Variants in KIF1A observed in about 807,000 individuals in gnomAD.
The protein encoded by KIF1A is kinesin-like protein KIF1A.
In KIF1A, 46 loss-of-function variants were observed where a neutral mutation model predicts 227.3. The observed-to-expected ratio is 0.20, with a 90% confidence interval of 0.16 to 0.26. The LOEUF is 0.26. KIF1A is among the 10% of genes least tolerant of loss of function. The pLI, the probability that KIF1A is intolerant of heterozygous loss-of-function variation, is 1.00. For missense variants in KIF1A, 1,683 were observed against 2,485.9 expected, an observed-to-expected ratio of 0.68 and a Z score of 6.87; for synonymous variants, 1,022 against 1,012.8, an observed-to-expected ratio of 1.01 and a Z score of -0.17.
At position 240,723,569 on chromosome 2, in the gene KIF1A, C is replaced by G. The variant is rs1415094767; in HGVS notation, c.4319-11G>C. 7 of 1,527,864 alleles carry G rather than the reference C, an allele frequency of 4.6e-6. No individual in the cohort carries two copies. The highest frequency in any genetic ancestry group is 6.2e-6 in the Non-Finnish European group (7 of 1,130,466). 94.6% of individuals were successfully genotyped at this position (1,527,864 alleles called of 1,614,324 possible). A position where few individuals can be genotyped will look rare whatever the true frequency, so the allele number is the denominator to read the frequency against. On this transcript the variant is annotated splice_polypyrimidine_tract_variant and intron_variant, in intron 41 of 48. Coordinates refer to ENST00000498729, the MANE Select transcript of KIF1A (RefSeq NM_001244008.2). Reference sequence around the variant, plus strand: ...GCCGGCGCTGCATCCCTGCATGGGGCACGTGGACATTCCACCCCTACCTGA... The same window carrying G: ...GCCGGCGCTGCATCCCTGCATGGGGGACGTGGACATTCCACCCCTACCTGA...
intron 11 of KIF1A, 120 bp from the exon 12 acceptor site, chr2:240,774,381 T>G (rs1406802960): frequency 6.6e-6 from 3 of 451,250 alleles, no homozygotes; most frequent in Non-Finnish European, 1.2e-5. Context: ...GTAAACTGAG[T>G]CACAGGCTTA....
intron 41 of KIF1A, 49 bp downstream of exon 41, chr2:240,723,926 G>A (rs2045693757): frequency 6.7e-7 from 1 of 1,503,366 alleles, no homozygotes; most frequent in Non-Finnish European, 9.3e-7. Context: ...AGTGGGCAGA[G>A]GTTGAGCAGG....
chr2:240,800,275 G>A (rs1208416406), intron 1 of KIF1A, among the ~76,000 whole-genome samples: 1 of 152,246 alleles, frequency 6.6e-6, no homozygotes, highest in Non-Finnish European at 1.5e-5. Flanking sequence ...CAAGGACACA[G>A]AGAAGCCTCT....
intron 20 of KIF1A, among the ~76,000 whole-genome samples, chr2:240,764,405 CAG>C (rs1181445922): frequency 1.3e-5 from 2 of 152,182 alleles, no homozygotes; most frequent in East Asian, 3.9e-4. Flanking sequence ...AGCTGTCGCC[CAG>C]GCTTAGCCAC....
intron 10 of KIF1A, chr2:240,781,667 C>T (rs572273472): frequency 8.1e-6 from 6 of 740,300 alleles, no homozygotes; most frequent in East Asian, 2.6e-4. Context: ...CAATTCCCCA[C>T]GCAGGTCCTC....
chr2:240,814,737 G>A (rs1383245252), intron 1 of KIF1A, among the ~76,000 whole-genome samples: 2 of 152,122 alleles, frequency 1.3e-5, no homozygotes, highest in African/African-American at 4.8e-5. Context: ...GACTTGCCTG[G>A]GCAACATGGC....
rs549560429 is a variant in KIF1A at position 240,719,157 on chromosome 2, G to A, written c.5063C>T (p.Pro1688Leu). 49 of 1,611,238 alleles carry A rather than the reference G, an allele frequency of 3.0e-5. No individual in the cohort carries two copies. The highest frequency in any genetic ancestry group is 6.7e-5 in the East Asian group (3 of 44,808). The change falls in exon 47 of 49, where the codon CCG (proline) becomes CTG (leucine). Residue 1688 changes from proline to leucine, a missense_variant. Coordinates refer to ENST00000498729, the MANE Select transcript of KIF1A (RefSeq NM_001244008.2). ...SKKGYLHFLE[P>L]HTSGWARRFV... ...GCGCCTGGCCCAGCCTGACGTGTGC[G>A]GCTCCAGGAAGTGCAGGTACCCCTT...
rs755190059 is a variant in KIF1A at position 240,760,755 on chromosome 2, T to C, written c.2354A>G (p.Glu785Gly). 1 of 1,601,814 alleles carries C rather than the reference T, an allele frequency of 6.2e-7. No individual in the cohort carries two copies. The highest frequency in any genetic ancestry group is 1.1e-5 in the South Asian group (1 of 89,046). The change falls in exon 25 of 49, where the codon GAG (glutamate) becomes GGG (glycine). Residue 785 changes from glutamate to glycine, a missense_variant. Physicochemically the swap from Glu to Gly is moderately conservative, Grantham distance 98. Transcript: ENST00000498729. ...AATGGTGCGGGGGAAGGGCCGCGTC[T>C]CTCGGTCTTTGGCGGCCTCTGGGGG... ...LLPPEAAKDR[E>G]TRPFPRTIVA...
chr2:240,754,921 A>G (rs1045580630), intron 27 of KIF1A, among the ~76,000 whole-genome samples: 1 of 152,028 alleles, frequency 6.6e-6, no homozygotes, highest in Non-Finnish European at 1.5e-5. Context: ...CTCGAGCTGG[A>G]GCAACGTTTA....
At chr2:240,763,499 C>G (rs2050780269) in intron 20 of KIF1A, among the ~76,000 whole-genome samples, 153 bp from the exon 21 acceptor site, 1 of 152,224 alleles carries the variant, frequency 6.6e-6, no homozygotes, top group Admixed American at 6.5e-5. Flanking sequence ...TCGCTGGGAC[C>G]TGAATGTGTC....
rs545501989 is a variant in KIF1A at position 240,773,156 on chromosome 2, G to T, written c.1138C>A (p.Arg380=). The T allele has an allele frequency of 1.2e-6, 2 of 1,613,894 alleles. No individual in the cohort carries two copies. The highest frequency in any genetic ancestry group is 2.2e-5 in the South Asian group (2 of 91,074). The change falls in exon 13 of 49, where the codon CGG becomes AGG. Residue 380 remains arginine (R), a synonymous_variant. Transcript: ENST00000498729. ...RELKDEVTRL[R]DLLYAQGLGD... ...AGACCCTGGGCGTACAGAAGGTCCCGCAGCCGGGTCACCTCATCCTTCAGC... is the reference window on the plus strand; with the variant it reads ...AGACCCTGGGCGTACAGAAGGTCCCTCAGCCGGGTCACCTCATCCTTCAGC...
intron 17 of KIF1A, among the ~76,000 whole-genome samples, chr2:240,767,720 G>T (rs2051396348): frequency 6.6e-6 from 1 of 152,372 alleles, no homozygotes; most frequent in South Asian, 2.1e-4. Flanking sequence ...CAGACCACAG[G>T]CTTTGTCCCA....
At chr2:240,745,950 T>C (rs774605791) in intron 30 of KIF1A, 41 bp from the exon 31 acceptor site, 2 of 1,592,898 alleles carry the variant, frequency 1.3e-6, no homozygotes, top group East Asian at 2.3e-5. Context: ...CTCCAGGCCA[T>C]ATTGTCTTCC....
At chr2:240,718,411 C>G (rs2044825148) in intron 47 of KIF1A, among the ~76,000 whole-genome samples, 1 of 152,252 alleles carries the variant, frequency 6.6e-6, no homozygotes, top group African/African-American at 2.4e-5. Flanking sequence ...CGGGACGTGA[C>G]TGCCCCTCAT....
intron 28 of KIF1A, chr2:240,748,742 TG>T: frequency 3.9e-6 from 1 of 255,888 alleles, no homozygotes. Context: ...CTCAGCACTG[TG>T]GTATCACAGT....
At chr2:240,813,846 G>A (rs1338721518) in intron 1 of KIF1A, among the ~76,000 whole-genome samples, 1 of 152,204 alleles carries the variant, frequency 6.6e-6, no homozygotes, top group Non-Finnish European at 1.5e-5. Context: ...AGGCCCTGCG[G>A]GAAGGACAGG....
intron 1 of KIF1A, among the ~76,000 whole-genome samples, chr2:240,807,278 C>T (rs567649206): frequency 6.6e-6 from 1 of 152,046 alleles, no homozygotes; most frequent in Admixed American, 6.6e-5. Flanking sequence ...CCCTAGTATG[C>T]GCCACTAGGC....
At chr2:240,802,179 C>G (rs1006666622) in intron 1 of KIF1A, among the ~76,000 whole-genome samples, 17 of 149,442 alleles carry the variant, frequency 1.1e-4, no homozygotes, top group African/African-American at 4.2e-4. Context: ...ATGATAGAAA[C>G]CAAAAGACAA....
chr2:240,759,753 C>T (rs902942848), intron 25 of KIF1A, among the ~76,000 whole-genome samples: 3 of 152,126 alleles, frequency 2.0e-5, no homozygotes, highest in Admixed American at 6.5e-5. Flanking sequence ...GCACCTATAA[C>T]GCTAGTACTT....
Sources: gnomAD v4.1 joint callset for allele counts (sites outside exome capture counted in the v4.1 genomes callset) on GRCh38, gnomAD v4.1.1 for gene constraint, MANE v1.5 for transcripts, NCBI Gene and HGNC (gene_info 2026-07-23, HGNC 2026-07-21) for gene names.